CSMD3: variants seen among roughly 807,000 people sequenced by gnomAD.
CSMD3 encodes CUB and sushi domain-containing protein 3.
Under a neutral mutation model 435.2 loss-of-function variants are expected in CSMD3, and 177 were observed. The observed-to-expected ratio is 0.41, with a 90% CI of 0.36 to 0.46. The LOEUF is 0.46. CSMD3 is among the 20% of genes least tolerant of loss of function. The pLI is 0.34. For synonymous variants in CSMD3, 1,656 were observed against 1,520.5 expected, an observed-to-expected ratio of 1.09 and a Z score of -2.07; for missense variants, 4,265 against 4,504.6, an observed-to-expected ratio of 0.95 and a Z score of 1.52.
At chr8:113,157,745 A>ATT (rs2091961039) in intron 4 of CSMD3, among the ~76,000 whole-genome samples, 1 of 152,140 alleles carries the variant, frequency 6.6e-6, no homozygotes, top group Non-Finnish European at 1.5e-5. Flanking sequence ...GATATGTATT[A>ATT]TAAGCACAGC....
chr8:112,238,679 TTTG>T (rs200856367), intron 66 of CSMD3, among the ~76,000 whole-genome samples: 31,217 of 151,248 alleles, frequency 0.21, 3,644 homozygotes, highest in East Asian at 0.36. Flanking sequence ...AAATTTAGAG[TTTG>T]TTAAGAATTT....
At chr8:112,678,507 C>G (rs2075815226) in intron 16 of CSMD3, among the ~76,000 whole-genome samples, 1 of 152,032 alleles carries the variant, frequency 6.6e-6, no homozygotes, top group Admixed American at 6.6e-5. Flanking sequence ...TAAAGCAAAT[C>G]AGAGCTGAGA....
At chr8:112,911,634 CAT>C (rs1491574819) in intron 10 of CSMD3, among the ~76,000 whole-genome samples, 1 of 67,092 alleles carries the variant, frequency 1.5e-5, no homozygotes, top group Non-Finnish European at 2.6e-5. Context: ...TGTGTGTGTA[CAT>C]ATATATGTGT....
intron 29 of CSMD3, 30 bp downstream of exon 29, chr8:112,506,661 T>C: frequency 1.2e-6 from 2 of 1,609,496 alleles, no homozygotes; most frequent in Non-Finnish European, 1.7e-6. Context: ...TATATTTTTT[T>C]AACGTGGAAA....
chr8:112,746,619 A>G lies in CSMD3; in HGVS notation c.1972+53543T>C, dbSNP rs563195910. On this transcript the variant is annotated intron_variant, in intron 13 of 70. Transcript: ENST00000297405. ...GTACCTCTTTCTTTATGGCTGTTTTATTAATAATAGAATAGTTATATATAT... is the reference window on the plus strand; with the variant it reads ...GTACCTCTTTCTTTATGGCTGTTTTGTTAATAATAGAATAGTTATATATAT... 6.1e-5 allele frequency among the ~76,000 whole-genome samples: 9 copies of G among 148,620 alleles called. No individual in the cohort carries two copies. The East Asian group carries it at 1.8e-3, about 29-fold the overall frequency.
chr8:112,304,904 G>A lies in CSMD3; in HGVS notation c.8083C>T (p.Pro2695Ser), dbSNP rs2130779752. Residue 2695 changes from proline (P) to serine (S), a missense_variant, in exon 52 of 71, where the codon CCA becomes TCA. Pro to Ser is a moderately conservative substitution (Grantham distance 74). Around this residue, in one of 3 missense-constraint regions of CSMD3, gnomAD observed 3,255 missense variants for 3,380.2 expected, o/e 0.96. Transcript: ENST00000297405. ...KTPRCVVVTCPSINSFILEHG... is the reference protein window; with the variant it reads ...KTPRCVVVTCSSINSFILEHG... ...TCCAAGATAAAGGAATTGATGCTTGGACATGTAACAACTATACAAAAACCA... is the reference window on the plus strand; with the variant it reads ...TCCAAGATAAAGGAATTGATGCTTGAACATGTAACAACTATACAAAAACCA... The A allele has an allele frequency of 1.2e-6, 2 of 1,613,152 alleles. No homozygotes were observed. Among genetic ancestry groups the A allele is most frequent in the Non-Finnish European group, 1.7e-6 (2 of 1,179,550 alleles).
chr8:112,626,110 T>C (rs1394498247), intron 22 of CSMD3, among the ~76,000 whole-genome samples: 3 of 151,944 alleles, frequency 2.0e-5, no homozygotes, highest in Non-Finnish European at 4.4e-5. Context: ...AAAGACAAAA[T>C]ATCAAAAAAA....
intron 5 of CSMD3, among the ~76,000 whole-genome samples, 153 bp from the exon 6 acceptor site, chr8:113,019,332 A>T (rs1309903101): frequency 6.6e-6 from 1 of 152,154 alleles, no homozygotes; most frequent in Non-Finnish European, 1.5e-5. Flanking sequence ...TTATGCATAG[A>T]AAAGTCAATC....
At chr8:113,275,164 C>T (rs1298784947) in intron 3 of CSMD3, among the ~76,000 whole-genome samples, 1 of 151,814 alleles carries the variant, frequency 6.6e-6, no homozygotes, top group Non-Finnish European at 1.5e-5. Flanking sequence ...TTATTTTTTT[C>T]CTCACAACAC....
At position 113,139,728 on chromosome 8, in the gene CSMD3, A is replaced by G. The variant is rs191220747; in HGVS notation, c.709+33994T>C. Reference sequence around the variant, plus strand: ...AACATCAAAATTACATTAAATATAAAAGCTCTAAATACACCAAACAATATA... The same window carrying G: ...AACATCAAAATTACATTAAATATAAGAGCTCTAAATACACCAAACAATATA... On this transcript the variant is annotated intron_variant, in intron 4 of 70. Coordinates refer to ENST00000297405, the MANE Select transcript of CSMD3 (RefSeq NM_198123.2). Among the ~76,000 whole-genome samples, 678 of 151,308 alleles carry G rather than the reference A, an allele frequency of 4.5e-3. 6 individuals carry two copies. The highest frequency in any genetic ancestry group is 7.7e-3 in the Non-Finnish European group (518 of 67,406).
chr8:113,119,033 G>A (rs1458563697), intron 4 of CSMD3, among the ~76,000 whole-genome samples: 1 of 152,150 alleles, frequency 6.6e-6, no homozygotes, highest in Non-Finnish European at 1.5e-5. Flanking sequence ...AAGAAGCCCT[G>A]TGAGAAAGGC....
At chr8:113,123,423 G>A (rs1319508269) in intron 4 of CSMD3, among the ~76,000 whole-genome samples, 2 of 152,014 alleles carry the variant, frequency 1.3e-5, no homozygotes, top group Non-Finnish European at 2.9e-5. Context: ...GCCTATTCTT[G>A]CAAATAAAGT....
rs74874150 is a variant in CSMD3 at position 112,707,685 on chromosome 8, G to T, written c.1973-17635C>A. On this transcript the variant is annotated intron_variant, in intron 13 of 70. Transcript: ENST00000297405. ...TCTATTGTGTTTGTCTATCTTTCACGCTCCTGGGGCTGTGTGTCCAGGAAA... is the reference window on the plus strand; with the variant it reads ...TCTATTGTGTTTGTCTATCTTTCACTCTCCTGGGGCTGTGTGTCCAGGAAA... 7.9e-5 allele frequency among the ~76,000 whole-genome samples: 12 copies of T among 152,092 alleles called. No individual in the cohort carries two copies. In the East Asian group the frequency reaches 1.9e-3, roughly 25 times the overall value.
rs974196824 is a variant in CSMD3, at chr8:112,666,345, T to C, written c.2748A>G (p.Lys916=). 5 of 1,612,654 alleles carry C rather than the reference T, an allele frequency of 3.1e-6. No homozygotes were observed. Among genetic ancestry groups the C allele is most frequent in the Admixed American group, 3.3e-5 (2 of 59,820 alleles). ...TCACCCACTCACAATTCAAAGAGTC[T>C]TTGTAGTATCCTGGCCATCCTGGTG... The part of the protein sequence containing the change: ...ILSPGWPGYY[K]DSLNCEWVIE... The change falls in exon 17 of 71, where the codon AAA becomes AAG. Residue 916 remains lysine, a synonymous_variant. Coordinates refer to ENST00000297405, the MANE Select transcript of CSMD3 (RefSeq NM_198123.2).
At chr8:112,572,701 A>G (rs557469280) in intron 24 of CSMD3, among the ~76,000 whole-genome samples, 1 of 152,248 alleles carries the variant, frequency 6.6e-6, no homozygotes, top group Admixed American at 6.5e-5. Context: ...CCAAGAATCA[A>G]TTTGATCTGA....
chr8:113,226,795 C>T (rs1047961296), intron 3 of CSMD3, among the ~76,000 whole-genome samples: 1 of 151,562 alleles, frequency 6.6e-6, no homozygotes. Flanking sequence ...AGTAATTTAC[C>T]TTTCTGCAAC....
chr8:112,387,223 G>A (rs1375220015), intron 36 of CSMD3, among the ~76,000 whole-genome samples: 1 of 151,974 alleles, frequency 6.6e-6, no homozygotes, highest in Non-Finnish European at 1.5e-5. Flanking sequence ...CCCAAAGAAT[G>A]TTCAATTATT....
At position 112,305,480 on chromosome 8, in the gene CSMD3, C is replaced by G. The variant is rs568160014; in HGVS notation, c.8071+527G>C. On this transcript the variant is annotated intron_variant, in intron 51 of 70. Transcript: ENST00000297405. ...ATCAATATTTTCTATTTTTTGCTAC[C>G]AAATCTTTACCAGAATTAATGTCTT... Among the ~76,000 whole-genome samples the G allele has an allele frequency of 1.8e-3, 268 of 151,932 alleles. 1 individual carries two copies. Among genetic ancestry groups the G allele is most frequent in the African/African-American group, 6.1e-3 (251 of 41,468 alleles).
chr8:112,954,677 C>T lies in CSMD3; in HGVS notation c.1420+7G>A. 2 of 1,569,566 alleles carry T rather than the reference C, an allele frequency of 1.3e-6. No homozygotes were observed. Among genetic ancestry groups the T allele is most frequent in the Non-Finnish European group, 1.8e-6 (2 of 1,140,958 alleles). Reference sequence around the variant, plus strand: ...TAGAGAAAGTAACAAAAAAGAAGTACACTCACAGATAGAAAACTTGTTGCT... The same window carrying T: ...TAGAGAAAGTAACAAAAAAGAAGTATACTCACAGATAGAAAACTTGTTGCT... On this transcript the variant is annotated splice_region_variant and intron_variant, in intron 8 of 70. Coordinates refer to ENST00000297405, the MANE Select transcript of CSMD3 (RefSeq NM_198123.2).
Sources: gnomAD v4.1 joint callset for allele counts (sites outside exome capture counted in the v4.1 genomes callset) on GRCh38, gnomAD v4.1.1 for gene constraint, gnomAD v4.1.1 regional missense constraint, MANE v1.5 for transcripts, NCBI Gene and HGNC (gene_info 2026-07-23, HGNC 2026-07-21) for gene names.